The following CSMD1 variants were observed in gnomAD, a reference collection of about 807,000 sequenced individuals.
The protein encoded by CSMD1 is CUB and Sushi multiple domains 1.
CSMD1 carries 213 observed loss-of-function variants against 417.5 expected under a neutral mutation model. The observed-to-expected ratio is 0.51, with a 90% CI of 0.46 to 0.57. CSMD1 has a LOEUF of 0.57. Ranked by LOEUF, CSMD1 falls within the 20% of genes least tolerant of loss-of-function variation. The pLI is 0.00. For synonymous variants in CSMD1, 2,862 were observed against 1,736.8 expected (o/e 1.65, Z -16.11); for missense variants, 6,923 against 4,529.7 (o/e 1.53, Z -15.17).
chr8:4,925,287 C>T (rs1806781619), intron 1 of CSMD1, among the ~76,000 whole-genome samples: 1 of 116,302 alleles, frequency 8.6e-6, no homozygotes, highest in South Asian at 3.0e-4. Context: ...AAGAGTTCAA[C>T]TTGAAGGTTA....
chr8:3,643,084 GA>G (rs1797387278), intron 7 of CSMD1, among the ~76,000 whole-genome samples: 1 of 151,980 alleles, frequency 6.6e-6, no homozygotes, highest in African/African-American at 2.4e-5. Context: ...GAGAGGGAGA[GA>G]GACAGGCATG....
chr8:3,543,755 C>A (rs904719236), intron 10 of CSMD1, among the ~76,000 whole-genome samples: 16 of 152,108 alleles, frequency 1.1e-4, no homozygotes, highest in Non-Finnish European at 2.1e-4. Flanking sequence ...CTGTTGGACA[C>A]TTAGTGGAGA....
intron 3 of CSMD1, among the ~76,000 whole-genome samples, chr8:4,205,869 G>A (rs1310186130): frequency 6.6e-6 from 1 of 152,070 alleles, no homozygotes; most frequent in Non-Finnish European, 1.5e-5. Context: ...AACAGAAAAT[G>A]AACTTCCTAT....
At chr8:4,782,223 A>G (rs1337730340) in intron 1 of CSMD1, among the ~76,000 whole-genome samples, 1 of 152,228 alleles carries the variant, frequency 6.6e-6, no homozygotes, top group Non-Finnish European at 1.5e-5. Context: ...TTAATAATGT[A>G]TATCTCAAAA....
chr8:3,188,058 G>A (rs1051652202), intron 35 of CSMD1, 93 bp from the exon 36 acceptor site: 1 of 579,410 alleles, frequency 1.7e-6, no homozygotes, highest in Non-Finnish European at 3.0e-6. Flanking sequence ...TGATTAAGGT[G>A]TATATGTATA....
chr8:4,218,155 C>A (rs935462814), intron 3 of CSMD1, among the ~76,000 whole-genome samples: 1 of 152,186 alleles, frequency 6.6e-6, no homozygotes, highest in African/African-American at 2.4e-5. Flanking sequence ...ACATGCTGAA[C>A]GTTCTAGTAA....
intron 2 of CSMD1, among the ~76,000 whole-genome samples, chr8:4,486,689 G>C (rs1801433033): frequency 6.6e-6 from 1 of 152,006 alleles, no homozygotes; most frequent in Non-Finnish European, 1.5e-5. Flanking sequence ...TTTGAATTAA[G>C]CAAAAGTGAA....
At chr8:3,256,547 A>G (rs1272691707) in intron 26 of CSMD1, among the ~76,000 whole-genome samples, 8 of 152,244 alleles carry the variant, frequency 5.3e-5, no homozygotes, top group African/African-American at 1.9e-4. Context: ...TAAAAAAGCT[A>G]TAATCTTGCC....
chr8:4,355,421 G>C (rs756151889), intron 3 of CSMD1, among the ~76,000 whole-genome samples: 11 of 151,992 alleles, frequency 7.2e-5, no homozygotes, highest in Middle Eastern at 3.4e-3. Context: ...AGCGAATTCA[G>C]GTATCTTCTT....
chr8:3,927,601 G>A (rs1278740806), intron 5 of CSMD1, among the ~76,000 whole-genome samples: 1 of 149,528 alleles, frequency 6.7e-6, no homozygotes, highest in African/African-American at 2.4e-5. Flanking sequence ...GAAGGCGGAG[G>A]TTGCAGTGAG....
At chr8:3,505,031 T>A (rs571675646) in intron 10 of CSMD1, among the ~76,000 whole-genome samples, 1 of 151,976 alleles carries the variant, frequency 6.6e-6, no homozygotes, top group Non-Finnish European at 1.5e-5. Context: ...AAAAAAAAGT[T>A]TTGCTGCATA....
At chr8:4,559,148 C>A (rs551159780) in intron 2 of CSMD1, among the ~76,000 whole-genome samples, 2 of 152,184 alleles carry the variant, frequency 1.3e-5, no homozygotes, top group South Asian at 2.1e-4. Flanking sequence ...TGCTTGGAAT[C>A]AAGATCTGGT....
intron 3 of CSMD1, among the ~76,000 whole-genome samples, chr8:4,407,067 C>T (rs1805076636): frequency 6.6e-6 from 1 of 152,146 alleles, no homozygotes; most frequent in African/African-American, 2.4e-5. Context: ...GCCAAGGTCA[C>T]TCAAGTATTG....
At chr8:3,768,831 G>A (rs553233889) in intron 5 of CSMD1, among the ~76,000 whole-genome samples, 52 of 152,266 alleles carry the variant, frequency 3.4e-4, no homozygotes, top group Middle Eastern at 3.4e-3. Context: ...CTTCCTTGGT[G>A]GATAGTCTAA....
At chr8:4,710,107 G>T (rs1191372530) in intron 1 of CSMD1, among the ~76,000 whole-genome samples, 1 of 152,030 alleles carries the variant, frequency 6.6e-6, no homozygotes, top group Non-Finnish European at 1.5e-5. Context: ...GGAAAAGCAA[G>T]TTCTGATAAC....
intron 1 of CSMD1, among the ~76,000 whole-genome samples, chr8:4,749,048 C>CTGTGTGTG (rs1811140149): frequency 6.9e-6 from 1 of 145,636 alleles, no homozygotes. Context: ...GTGTGTGTGC[C>CTGTGTGTG]TGTGTGCGTG....
intron 3 of CSMD1, among the ~76,000 whole-genome samples, chr8:4,035,846 T>C (rs1797587991): frequency 6.6e-6 from 1 of 152,180 alleles, no homozygotes; most frequent in East Asian, 1.9e-4. Context: ...ACAGTGTTTA[T>C]GAAGTCTACA....
chr8:3,824,476 A>C (rs1231909305), intron 5 of CSMD1, among the ~76,000 whole-genome samples: 1 of 152,142 alleles, frequency 6.6e-6, no homozygotes, highest in East Asian at 1.9e-4. Flanking sequence ...TAAGTGCCGT[A>C]CCTCATACAT....
intron 3 of CSMD1, among the ~76,000 whole-genome samples, chr8:4,371,209 T>C (rs1167099370): frequency 3.3e-5 from 5 of 152,192 alleles, no homozygotes. Context: ...TCCACACTGC[T>C]GGGCTACATG....
Sources: gnomAD v4.1 joint callset for allele counts (sites outside exome capture counted in the v4.1 genomes callset) on GRCh38, gnomAD v4.1.1 for gene constraint, MANE v1.5 for transcripts, NCBI Gene and HGNC (gene_info 2026-07-23, HGNC 2026-07-21) for gene names.